DIAPH1: variants seen among roughly 807,000 people sequenced by gnomAD.
DIAPH1 encodes diaphanous related formin 1.
Under a neutral mutation model 140.7 loss-of-function variants are expected in DIAPH1, and 46 were observed. The ratio of observed to expected loss-of-function variants is 0.33; its 90% confidence interval spans 0.26 to 0.42. The LOEUF (loss-of-function observed/expected upper bound fraction) is 0.42, where lower values mean the gene tolerates loss of function less well. DIAPH1 is among the 10% of genes least tolerant of loss of function. The pLI, the probability that DIAPH1 is intolerant of heterozygous loss-of-function variation, is 1.00. For synonymous variants in DIAPH1, 565 were observed against 551.6 expected (o/e 1.02, Z -0.34); for missense variants, 1,310 against 1,558.7 (o/e 0.84, Z 2.69).
rs189404098 is a variant in DIAPH1 at position 141,573,263 on chromosome 5, C to T, written c.2358+229G>A. On this transcript the variant is annotated intron_variant, in intron 16 of 27. Transcript: ENST00000389054. Reference sequence around the variant, plus strand: ...CATCCTGGCTAACACGGTGAAATCCCGTCTCTACTAAAAATACAAAAATTA... The same window carrying T: ...CATCCTGGCTAACACGGTGAAATCCTGTCTCTACTAAAAATACAAAAATTA... 5.2e-3 allele frequency among the ~76,000 whole-genome samples: 795 copies of T among 151,732 alleles called. 12 individuals are homozygous for T. The highest frequency in any genetic ancestry group is 0.018 in the African/African-American group (749 of 41,340).
At chr5:141,594,700 G>A (rs1418073839) in intron 1 of DIAPH1, among the ~76,000 whole-genome samples, 3 of 151,572 alleles carry the variant, frequency 2.0e-5, no homozygotes, top group Admixed American at 6.6e-5. Context: ...CCAAGATCGA[G>A]CCACTGCACT....
chr5:141,561,680 C>T (rs2099893564), intron 18 of DIAPH1: 1 of 152,144 alleles, frequency 6.6e-6, no homozygotes, highest in Admixed American at 6.5e-5. Context: ...ATATTCCCTT[C>T]TAATCTTTCA....
At position 141,565,170 on chromosome 5, in the gene DIAPH1, T is replaced by C. The variant is rs2099894185; in HGVS notation, c.2482+6258A>G. On this transcript the variant is annotated intron_variant, in intron 18 of 27. Transcript: ENST00000389054. The surrounding 1 kb of genome is among the most constrained non-coding windows in gnomAD (Gnocchi z 4.3). ...TGACACAAATCTATATGTAAGGACA[T>C]CGAGATGCTAAAACACGTTAAGCAA... The C allele has an allele frequency of 6.6e-6, 1 of 152,152 alleles. No homozygotes were observed. 9.4% of individuals were successfully genotyped at this position (152,152 alleles called of 1,614,324 possible). A position where few individuals can be genotyped will look rare whatever the true frequency, so the allele number is the denominator to read the frequency against.
chr5:141,603,208 C>T (rs1201817676), intron 1 of DIAPH1, among the ~76,000 whole-genome samples: 1 of 152,188 alleles, frequency 6.6e-6, no homozygotes, highest in Admixed American at 6.5e-5. Flanking sequence ...AAGACTGTAG[C>T]AGCTCCTCCA....
At chr5:141,576,424 A>T in intron 13 of DIAPH1, 130 bp from the exon 14 acceptor site, 2 of 828,138 alleles carry the variant, frequency 2.4e-6, no homozygotes, top group Non-Finnish European at 4.0e-6. Context: ...CACTAGACAA[A>T]GAAATGGAAC....
At chr5:141,527,240 C>T (rs2099887493) in intron 24 of DIAPH1, among the ~76,000 whole-genome samples, 2 of 152,024 alleles carry the variant, frequency 1.3e-5, no homozygotes, top group East Asian at 3.9e-4. Flanking sequence ...GACCCCATCT[C>T]TAAAGAAAAA....
Position 141,583,590 on chromosome 5 carries a change from T to C in DIAPH1, c.428A>G (p.Lys143Arg), listed in dbSNP as rs771407456. 6.2e-7 allele frequency: 1 copy of C among 1,614,242 alleles called. No individual in the cohort carries two copies. Among genetic ancestry groups the C allele is most frequent in the African/African-American group, 1.3e-5 (1 of 75,076 alleles). Reference protein sequence around the residue: ...KAGMSQKESSKSAMMYIQELR... With the variant: ...KAGMSQKESSRSAMMYIQELR... ...CTCCTGAATATACATCATGGCAGAC[T>C]TAGAGCTCTCCTTCTGGCTCATGCC... The change falls in exon 5 of 28, where the codon AAG (lysine) becomes AGG (arginine). Residue 143 changes from lysine (K) to arginine (R), a missense_variant. By Grantham distance (26) the Lys-to-Arg change is conservative (BLOSUM62 2). Around this residue, in one of 3 missense-constraint regions of DIAPH1, gnomAD observed 377 missense variants for 497.1 expected, o/e 0.76. Transcript: ENST00000389054.
intron 1 of DIAPH1, among the ~76,000 whole-genome samples, chr5:141,615,853 T>C (rs1456494844): frequency 6.6e-6 from 1 of 152,220 alleles, no homozygotes; most frequent in African/African-American, 2.4e-5. Flanking sequence ...ACAAAGTCTA[T>C]TAAATGTAAG....
intron 18 of DIAPH1, among the ~76,000 whole-genome samples, chr5:141,540,416 G>A (rs545811076): frequency 1.6e-3 from 248 of 152,192 alleles, no homozygotes; most frequent in African/African-American, 5.8e-3. Context: ...CCAAGTAGCT[G>A]GGACTACAGG....
chr5:141,571,775 TTTTC>T lies in DIAPH1; in HGVS notation c.2473+147_2473+150del, dbSNP rs1488805256. 4.1e-6 allele frequency: 3 copies of T among 740,328 alleles called. No homozygotes were observed. The South Asian group carries it at 4.3e-5, about 11-fold the overall frequency. 45.9% of individuals were successfully genotyped at this position (740,328 alleles called of 1,614,324 possible). On this transcript the variant is annotated intron_variant, in intron 17 of 27. Transcript: ENST00000389054. ...CCATAATATTTAATACAAAAACATC[TTTTC>T]TTTCTTTTGAATGGGAAAATCCATC...
Position 141,587,471 on chromosome 5 carries a change from T to C in DIAPH1, c.145-274A>G, listed in dbSNP as rs1365287443. 4 of 460,828 alleles carry C rather than the reference T, an allele frequency of 8.7e-6. No homozygotes were observed. In the East Asian group the frequency reaches 1.7e-4, roughly 20 times the overall value. The allele number at this position is 460,828 out of a possible 1,614,324, so 28.5% of individuals were successfully genotyped here. A position where few individuals can be genotyped will look rare whatever the true frequency, so the allele number is the denominator to read the frequency against. On this transcript the variant is annotated intron_variant, in intron 2 of 27. Transcript: ENST00000389054. ...ACTAGAAGAAACATTGTTCTTGATC[T>C]CCCCTGCCATTTCTAAGCCTTGTAG...
In DIAPH1 at chr5:141,524,307, A is replaced by C. The variant is rs145027704; in HGVS notation, c.3575-78T>G. ...CAAATATCAAGCCCCACACAAAATG[A>C]ATGGCTATTGCTTGATTTCCCCTCT... On this transcript the variant is annotated intron_variant, in intron 26 of 27. Coordinates refer to ENST00000389054, the MANE Select transcript of DIAPH1 (RefSeq NM_005219.5). 6.2e-3 allele frequency: 8,355 copies of C among 1,346,864 alleles called. 68 individuals are homozygous for C. Among genetic ancestry groups the C allele is most frequent in the African/African-American group, 0.027 (1,871 of 69,968 alleles). 83.4% of individuals were successfully genotyped at this position (1,346,864 alleles called of 1,614,324 possible).
chr5:141,561,940 G>A (rs2154595977), intron 18 of DIAPH1: 1 of 152,340 alleles, frequency 6.6e-6, no homozygotes, highest in South Asian at 2.1e-4. Flanking sequence ...ACCTTTTATA[G>A]AGTAGCATCC....
intron 19 of DIAPH1, 129 bp from the exon 20 acceptor site, chr5:141,529,826 G>A: frequency 3.8e-6 from 3 of 799,540 alleles, no homozygotes; most frequent in South Asian, 1.4e-5. Context: ...GCTCATGCCT[G>A]TAATCCCAGC....
intron 19 of DIAPH1, among the ~76,000 whole-genome samples, chr5:141,531,103 T>C (rs547565649): frequency 6.6e-6 from 1 of 152,258 alleles, no homozygotes; most frequent in East Asian, 1.9e-4. Flanking sequence ...AATGAAAAGA[T>C]GGCAGCCACT....
At chr5:141,593,119 C>A (rs2099898743) in intron 1 of DIAPH1, among the ~76,000 whole-genome samples, 1 of 152,146 alleles carries the variant, frequency 6.6e-6, no homozygotes, top group African/African-American at 2.4e-5. Context: ...CAATAACCAA[C>A]CCATTACACT....
At chr5:141,610,738 C>T (rs1422087525) in intron 1 of DIAPH1, among the ~76,000 whole-genome samples, 1 of 151,922 alleles carries the variant, frequency 6.6e-6, no homozygotes, top group East Asian at 1.9e-4. Context: ...ACATGAGCCA[C>T]CGTACCCCGC....
At chr5:141,571,281 G>A in intron 18 of DIAPH1, 147 bp downstream of exon 18, 2 of 669,990 alleles carry the variant, frequency 3.0e-6, no homozygotes, top group Non-Finnish European at 5.0e-6. Flanking sequence ...CTCCAGGGGA[G>A]GAAACAAAAA....
In DIAPH1 at chr5:141,546,662, GA is replaced by G. The variant is rs547342313; in HGVS notation, c.2483-12230del. Among the ~76,000 whole-genome samples the G allele has an allele frequency of 1.8e-3, 214 of 116,246 alleles. 1 individual carries two copies. Among genetic ancestry groups the G allele is most frequent in the South Asian group, 4.2e-3 (14 of 3,364 alleles). The allele number at this position is 116,246 out of a possible 152,430, so 76.3% of individuals were successfully genotyped here. On this transcript the variant is annotated intron_variant, in intron 18 of 27. Transcript: ENST00000389054. Reference sequence around the variant, plus strand: ...CAGAATGAGACTCTGAAAAAAAAAAGAAAAAAAAAAAAAGAGACTCTCCTCC... The same window carrying G: ...CAGAATGAGACTCTGAAAAAAAAAAGAAAAAAAAAAAAGAGACTCTCCTCC...
Sources: allele counts gnomAD v4.1 joint callset (sites outside exome capture counted in the v4.1 genomes callset), GRCh38; gene constraint gnomAD v4.1.1; regional missense constraint gnomAD v4.1.1; non-coding constraint Gnocchi (gnomAD v3.1); transcripts MANE v1.5; gene names NCBI Gene and HGNC (gene_info 2026-07-23, HGNC 2026-07-21).